The following HM13 variants were observed in gnomAD, a reference collection of about 807,000 sequenced individuals.
HM13 encodes the protein signal peptide peptidase.
A neutral mutation model predicts 50.0 loss-of-function variants in HM13; 18 were observed. The observed-to-expected ratio is 0.36, with a 90% CI of 0.25 to 0.53. HM13 has a LOEUF of 0.53. Ranked by LOEUF, HM13 falls within the 20% of genes least tolerant of loss-of-function variation. The probability of loss-of-function intolerance (pLI) is 0.90; values close to 1 mark genes in which losing one functional copy is unlikely to be tolerated. For synonymous variants in HM13, 197 were observed against 232.6 expected (o/e 0.85, Z 1.39); for missense variants, 393 against 552.4 (o/e 0.71, Z 2.89).
Position 31,561,491 on chromosome 20 carries a change from C to T in HM13, c.846-143C>T, listed in dbSNP as rs1984608070. The T allele has an allele frequency of 9.2e-6, 6 of 655,096 alleles. No homozygotes were observed. The South Asian group carries it at 1.0e-4, about 11-fold the overall frequency. 40.6% of individuals were successfully genotyped at this position (655,096 alleles called of 1,614,324 possible). A position where few individuals can be genotyped will look rare whatever the true frequency, so the allele number is the denominator to read the frequency against. ...CATAGCTGGGGGCAGTATCAGCGTG[C>T]ACACCCACCTCCAGACTCCCAGCCC... is the stretch of plus-strand genomic sequence containing the variant. On this transcript the variant is annotated intron_variant, in intron 9 of 12. Transcript: ENST00000398174.
At chr20:31,532,149 G>A (rs898045947) in intron 2 of HM13, among the ~76,000 whole-genome samples, 7 of 151,224 alleles carry the variant, frequency 4.6e-5, no homozygotes, top group Admixed American at 3.3e-4. Flanking sequence ...AATTTAGGCC[G>A]GGCGCGGTGG....
intron 2 of HM13, among the ~76,000 whole-genome samples, chr20:31,532,096 A>ATT (rs374817984): frequency 4.0e-4 from 60 of 148,420 alleles, no homozygotes; most frequent in African/African-American, 1.2e-3. Context: ...CTATTCACAG[A>ATT]TTTTTTTTTT....
intron 7 of HM13, chr20:31,554,506 C>T (rs958543707): frequency 3.5e-5 from 15 of 423,296 alleles, no homozygotes; most frequent in African/African-American, 3.1e-4. Flanking sequence ...CACGGTGAAA[C>T]CCCGTCTCTA....
At chr20:31,538,412 A>G in intron 3 of HM13, 151 bp downstream of exon 3, 1 of 1,499,372 alleles carries the variant, frequency 6.7e-7, no homozygotes, top group Non-Finnish European at 9.0e-7. Context: ...CACACTGTAG[A>G]TGACTAGGAC....
intron 1 of HM13, among the ~76,000 whole-genome samples, chr20:31,521,660 C>T (rs995745968): frequency 3.1e-4 from 46 of 147,338 alleles, no homozygotes; most frequent in African/African-American, 1.2e-3. Context: ...ACCCAAGAGG[C>T]GGAGGTTGCA....
intron 1 of HM13, among the ~76,000 whole-genome samples, chr20:31,524,859 G>A (rs1264020761): frequency 2.6e-5 from 4 of 151,624 alleles, no homozygotes; most frequent in African/African-American, 9.7e-5. Context: ...GACTACAGGC[G>A]CCCGCCACCA....
At chr20:31,555,359 G>A (rs112982268) in intron 8 of HM13, among the ~76,000 whole-genome samples, 3,092 of 152,324 alleles carry the variant, frequency 0.02, 89 homozygotes, top group African/African-American at 0.07. Flanking sequence ...GTGCACACCT[G>A]CTTATCTGCA....
chr20:31,535,819 A>G (rs1024401026), intron 2 of HM13, among the ~76,000 whole-genome samples: 1 of 152,204 alleles, frequency 6.6e-6, no homozygotes. Flanking sequence ...AGAGACAGAC[A>G]CCAATCACAC....
intron 2 of HM13, among the ~76,000 whole-genome samples, chr20:31,531,298 C>T (rs1218786247): frequency 1.3e-5 from 2 of 152,162 alleles, no homozygotes; most frequent in Admixed American, 6.5e-5. Flanking sequence ...CTTGGCCTCC[C>T]AAAGTGCTGG....
intron 3 of HM13, chr20:31,541,858 A>G (rs553507269): frequency 6.6e-6 from 1 of 152,384 alleles, no homozygotes; most frequent in South Asian, 2.1e-4. Flanking sequence ...GGTTTAAGAC[A>G]GGGAAATTGG....
At chr20:31,534,812 G>A (rs1157236616) in intron 2 of HM13, among the ~76,000 whole-genome samples, 4 of 148,240 alleles carry the variant, frequency 2.7e-5, no homozygotes, top group Non-Finnish European at 6.0e-5. Context: ...TGGGCCGGGT[G>A]CAGTGGCTCA....
At chr20:31,519,894 T>C (rs1336987262) in intron 1 of HM13, among the ~76,000 whole-genome samples, 1 of 145,984 alleles carries the variant, frequency 6.9e-6, no homozygotes, top group Admixed American at 7.2e-5. Flanking sequence ...CCAGGCTGAG[T>C]GTGAGTGCGG....
chr20:31,556,281 A>G (rs1029862431), intron 8 of HM13, among the ~76,000 whole-genome samples: 1 of 151,786 alleles, frequency 6.6e-6, no homozygotes, highest in African/African-American at 2.4e-5. Context: ...CAGGTGATCC[A>G]CCTACCTCGG....
intron 7 of HM13, among the ~76,000 whole-genome samples, chr20:31,552,507 T>C (rs1449164985): frequency 2.0e-5 from 3 of 152,138 alleles, no homozygotes; most frequent in Non-Finnish European, 2.9e-5. Context: ...TTCTGATACT[T>C]AGGGTCTGGT....
chr20:31,534,534 A>G (rs111821615), intron 2 of HM13, among the ~76,000 whole-genome samples: 2,380 of 152,334 alleles, frequency 0.016, 51 homozygotes, highest in African/African-American at 0.054. Context: ...CTGTAATCCC[A>G]GCACTTTGGG....
chr20:31,534,521 C>T (rs1048416948), intron 2 of HM13, among the ~76,000 whole-genome samples: 4 of 152,186 alleles, frequency 2.6e-5, no homozygotes, highest in African/African-American at 7.2e-5. Flanking sequence ...CCGTGGCTCA[C>T]GCCTGTAATC....
At chr20:31,555,415 G>T (rs1054654395) in intron 8 of HM13, among the ~76,000 whole-genome samples, 3 of 137,464 alleles carry the variant, frequency 2.2e-5, no homozygotes, top group Non-Finnish European at 4.5e-5. Flanking sequence ...GTTCTAGTCA[G>T]TGTGTCTGTG....
At chr20:31,564,904 G>A (rs1046921363) in intron 10 of HM13, among the ~76,000 whole-genome samples, 8 of 150,666 alleles carry the variant, frequency 5.3e-5, no homozygotes, top group African/African-American at 1.7e-4. Context: ...GGTGTCTCAC[G>A]CTTGTAATCC....
chr20:31,538,319 T>G (rs772672823), intron 3 of HM13, 58 bp downstream of exon 3: 13 of 1,613,776 alleles, frequency 8.1e-6, no homozygotes, highest in African/African-American at 1.3e-5. Context: ...CAGTACAGGG[T>G]CTTGGATGAG....
Sources: allele counts gnomAD v4.1 joint callset (sites outside exome capture counted in the v4.1 genomes callset), GRCh38; gene constraint gnomAD v4.1.1; transcripts MANE v1.5; gene names NCBI Gene and HGNC (gene_info 2026-07-23, HGNC 2026-07-21).